CDK14: variants seen among roughly 807,000 people sequenced by gnomAD.
The protein encoded by CDK14 is cyclin-dependent kinase 14.
CDK14 carries 34 observed loss-of-function variants against 60.7 expected under a neutral mutation model. The observed-to-expected ratio is 0.56, with a 90% CI of 0.43 to 0.75. The LOEUF is 0.75. Ranked by LOEUF, CDK14 falls within the 30% of genes least tolerant of loss-of-function variation. The pLI is 0.00. For synonymous variants in CDK14, 197 were observed against 203.7 expected (o/e 0.97, Z 0.28); for missense variants, 482 against 564.1 (o/e 0.85, Z 1.47).
chr7:90,628,831 C>T (rs187106338), intron 2 of CDK14, among the ~76,000 whole-genome samples: 1 of 152,016 alleles, frequency 6.6e-6, no homozygotes, highest in East Asian at 1.9e-4. Context: ...CAGAGTGAGA[C>T]CCTGACCCTT....
At chr7:90,833,322 A>C (rs2117118352) in intron 5 of CDK14, among the ~76,000 whole-genome samples, 1 of 152,328 alleles carries the variant, frequency 6.6e-6, no homozygotes, top group East Asian at 1.9e-4. Context: ...TCTGCATGTC[A>C]GAATCCCTTG....
chr7:90,817,475 C>T (rs1789394537), intron 5 of CDK14, among the ~76,000 whole-genome samples: 1 of 152,136 alleles, frequency 6.6e-6, no homozygotes, highest in Non-Finnish European at 1.5e-5. Context: ...CTGGAATGGG[C>T]AGGAATCAAC....
At chr7:90,980,500 G>A (rs185592836) in intron 9 of CDK14, among the ~76,000 whole-genome samples, 2 of 152,244 alleles carry the variant, frequency 1.3e-5, no homozygotes, top group Admixed American at 1.3e-4. Context: ...GGTAGAAAGA[G>A]GTGGGGGGAA....
chr7:91,196,755 A>G (rs1423357922), intron 14 of CDK14, among the ~76,000 whole-genome samples: 9 of 152,268 alleles, frequency 5.9e-5, no homozygotes, highest in Non-Finnish European at 2.9e-5. Flanking sequence ...CCTAAATCAC[A>G]GAGTCAAGAC....
chr7:90,649,284 C>CTTTCT, intron 2 of CDK14, among the ~76,000 whole-genome samples: 1 of 60,180 alleles, frequency 1.7e-5, no homozygotes, highest in African/African-American at 8.2e-5. Context: ...TTCTTTCTTT[C>CTTTCT]TTTCTTTCTT....
chr7:90,790,454 A>G, intron 4 of CDK14, 119 bp from the exon 5 acceptor site: 1 of 581,476 alleles, frequency 1.7e-6, no homozygotes, highest in Non-Finnish European at 2.9e-6. Flanking sequence ...GTATAATTGA[A>G]TCACTGACAT....
chr7:91,085,414 T>C (rs1314542539), intron 12 of CDK14, among the ~76,000 whole-genome samples: 1 of 152,212 alleles, frequency 6.6e-6, no homozygotes, highest in African/African-American at 2.4e-5. Flanking sequence ...TCTCTCTGAC[T>C]TCCTGTCTGC....
At chr7:90,869,008 T>A (rs1791283917) in intron 6 of CDK14, among the ~76,000 whole-genome samples, 1 of 152,236 alleles carries the variant, frequency 6.6e-6, no homozygotes, top group African/African-American at 2.4e-5. Flanking sequence ...GAAAATTACA[T>A]ACTGTCTTTT....
At chr7:91,082,523 T>C (rs570937916) in intron 12 of CDK14, among the ~76,000 whole-genome samples, 3 of 152,318 alleles carry the variant, frequency 2.0e-5, no homozygotes, top group Admixed American at 2.0e-4. Context: ...AATTGTGTAG[T>C]AAATACAGAG....
In CDK14 at chr7:90,686,186, A is replaced by C. The variant is rs148665626; in HGVS notation, c.124-40381A>C. Among the ~76,000 whole-genome samples the C allele has an allele frequency of 3.2e-4, 49 of 152,268 alleles. No homozygotes were observed. In the East Asian group the frequency reaches 9.4e-3, roughly 29 times the overall value. On this transcript the variant is annotated intron_variant, in intron 2 of 14. Coordinates refer to ENST00000380050, the MANE Select transcript of CDK14 (RefSeq NM_001287135.2). ...CAATTAACAAATATTAATTCTTATT[A>C]TGATGATTTTTAGTTTTCTAGACGT...
chr7:90,957,423 C>T (rs1794461698), intron 9 of CDK14, among the ~76,000 whole-genome samples: 1 of 152,122 alleles, frequency 6.6e-6, no homozygotes, highest in Non-Finnish European at 1.5e-5. Flanking sequence ...TCCCTGTTTG[C>T]AGACGACATG....
At chr7:91,157,854 G>A in intron 14 of CDK14, among the ~76,000 whole-genome samples, 1 of 152,022 alleles carries the variant, frequency 6.6e-6, no homozygotes, top group East Asian at 1.9e-4. Flanking sequence ...GTATGTGGTA[G>A]CTGCTGCCCC....
intron 8 of CDK14, among the ~76,000 whole-genome samples, chr7:90,947,823 A>G (rs1031553137): frequency 6.6e-6 from 1 of 152,178 alleles, no homozygotes; most frequent in Non-Finnish European, 1.5e-5. Flanking sequence ...CACACTAACA[A>G]GAGCATATGT....
intron 14 of CDK14, among the ~76,000 whole-genome samples, chr7:91,129,357 C>T (rs1800052379): frequency 6.6e-6 from 1 of 152,146 alleles, no homozygotes; most frequent in Non-Finnish European, 1.5e-5. Flanking sequence ...GAAAAAGCTT[C>T]ACTTAATAAT....
chr7:91,040,758 T>G (rs1797065492), intron 10 of CDK14, among the ~76,000 whole-genome samples: 1 of 152,218 alleles, frequency 6.6e-6, no homozygotes, highest in African/African-American at 2.4e-5. Flanking sequence ...GAAGAACCGT[T>G]AGCAGGTCTT....
chr7:90,985,042 G>A (rs1301656494), intron 10 of CDK14, among the ~76,000 whole-genome samples: 1 of 152,124 alleles, frequency 6.6e-6, no homozygotes. Context: ...ATACCAATGT[G>A]AATTTCTTAG....
At chr7:91,041,072 G>T (rs1199860240) in intron 10 of CDK14, among the ~76,000 whole-genome samples, 2 of 152,074 alleles carry the variant, frequency 1.3e-5, no homozygotes, top group African/African-American at 4.8e-5. Context: ...GGCCACACCT[G>T]CCAGGGCAGA....
chr7:90,813,161 T>C (rs1321970575), intron 5 of CDK14, among the ~76,000 whole-genome samples: 2 of 152,142 alleles, frequency 1.3e-5, no homozygotes, highest in East Asian at 3.8e-4. Flanking sequence ...CCAAGCGTAT[T>C]TTGTTTGTTT....
intron 6 of CDK14, among the ~76,000 whole-genome samples, chr7:90,898,453 C>G (rs566816764): frequency 1.3e-5 from 2 of 152,174 alleles, no homozygotes; most frequent in African/African-American, 2.4e-5. Flanking sequence ...CTCAGTAATT[C>G]AGGCCTGATA....
Sources: gnomAD v4.1 joint callset for allele counts (sites outside exome capture counted in the v4.1 genomes callset) on GRCh38, gnomAD v4.1.1 for gene constraint, MANE v1.5 for transcripts, NCBI Gene and HGNC (gene_info 2026-07-23, HGNC 2026-07-21) for gene names.